The following CPS1 variants were observed in gnomAD, a reference collection of about 807,000 sequenced individuals.
The protein encoded by CPS1 is carbamoyl-phosphate synthase [ammonia], mitochondrial.
A neutral mutation model predicts 174.6 loss-of-function variants in CPS1; 109 were observed. That is an observed-to-expected ratio of 0.62 (90% CI 0.53 to 0.73). The LOEUF (loss-of-function observed/expected upper bound fraction) is 0.73. Among genes scored for constraint, CPS1 ranks in the 30% least tolerant of loss-of-function variants. The probability of loss-of-function intolerance (pLI) is 0.00; values close to 1 mark genes in which losing one functional copy is unlikely to be tolerated. For synonymous variants in CPS1, 637 were observed against 632.0 expected, an observed-to-expected ratio of 1.01 and a Z score of -0.12; for missense variants, 1,689 against 1,821.9, an observed-to-expected ratio of 0.93 and a Z score of 1.33.
At chr2:210,607,246 C>A (rs1698945407) in intron 18 of CPS1, among the ~76,000 whole-genome samples, 1 of 151,908 alleles carries the variant, frequency 6.6e-6, no homozygotes, top group Non-Finnish European at 1.5e-5. Context: ...GTTAAAAGTG[C>A]AGATTAATCC....
chr2:210,608,904 A>G (rs942612667), intron 19 of CPS1, among the ~76,000 whole-genome samples: 1 of 151,924 alleles, frequency 6.6e-6, no homozygotes, highest in African/African-American at 2.4e-5. Context: ...AACCAAATCA[A>G]GAAAGTAATA....
At position 210,582,636 on chromosome 2, in the gene CPS1, T is replaced by C. The variant is rs940593992; in HGVS notation, c.548T>C (p.Ile183Thr). Reference protein sequence around the residue: ...IRDKGTMLGKIEFEGQPVDFV... With the variant: ...IRDKGTMLGKTEFEGQPVDFV... The stretch of plus-strand genomic sequence containing the variant: ...TGATAGGGTACCATGCTTGGGAAGA[T>C]TGAATTTGAAGGTCAGCCTGTGGAT... The change falls in exon 6 of 38, where the codon ATT becomes ACT. Residue 183 changes from isoleucine (I) to threonine (T), a missense_variant. Transcript: ENST00000233072. 1 of 1,613,220 alleles carries C rather than the reference T, an allele frequency of 6.2e-7. No individual in the cohort carries two copies. The highest frequency in any genetic ancestry group is 8.5e-7 in the Non-Finnish European group (1 of 1,179,344).
At chr2:210,577,045 AC>A (rs1278583460) in intron 3 of CPS1, 1 of 287,414 alleles carries the variant, frequency 3.5e-6, no homozygotes, top group Admixed American at 5.0e-5. Flanking sequence ...CTTAGTTTTC[AC>A]TATTTCTCAC....
At chr2:210,518,382 G>A (rs1335174455) in intron 1 of CPS1, among the ~76,000 whole-genome samples, 1 of 151,956 alleles carries the variant, frequency 6.6e-6, no homozygotes. Context: ...AGGTAGATGC[G>A]TGGTTAGAAT....
chr2:210,650,705 A>T (rs1700533265), intron 28 of CPS1, among the ~76,000 whole-genome samples: 1 of 152,110 alleles, frequency 6.6e-6, no homozygotes, highest in Non-Finnish European at 1.5e-5. Flanking sequence ...ATTTTATCAA[A>T]ACAGATTTTA....
At chr2:210,633,269 T>A (rs1411390649) in intron 21 of CPS1, among the ~76,000 whole-genome samples, 5 of 152,208 alleles carry the variant, frequency 3.3e-5, no homozygotes, top group African/African-American at 1.2e-4. Context: ...GATGGCTTTT[T>A]TTTTTCGTCA....
intron 21 of CPS1, among the ~76,000 whole-genome samples, chr2:210,631,859 A>G (rs540638430): frequency 6.6e-6 from 1 of 152,362 alleles, no homozygotes; most frequent in East Asian, 1.9e-4. Flanking sequence ...ATTAACATAA[A>G]ATACTAGTAC....
At chr2:210,550,243 A>G (rs1696692068) in intron 1 of CPS1, among the ~76,000 whole-genome samples, 1 of 151,958 alleles carries the variant, frequency 6.6e-6, no homozygotes, top group African/African-American at 2.4e-5. Flanking sequence ...ACGAAATGCA[A>G]ATATTTCTGA....
At chr2:210,596,973 G>T (rs1008250035) in intron 13 of CPS1, among the ~76,000 whole-genome samples, 8 of 151,742 alleles carry the variant, frequency 5.3e-5, no homozygotes, top group African/African-American at 1.7e-4. Context: ...ACAAGAATTA[G>T]AAAAATCAGA....
At position 210,639,227 on chromosome 2, in the gene CPS1, C is replaced by G. The variant is rs1700132392; in HGVS notation, c.2895+12C>G. ...CCTACAATGGTCAGGTAGGAATGGG[C>G]AAATTGGCCTATCCAGAAAGCTCTA... On this transcript the variant is annotated intron_variant, in intron 23 of 37. Coordinates refer to ENST00000233072, the MANE Select transcript of CPS1 (RefSeq NM_001875.5). 1 of 1,594,258 alleles carries G rather than the reference C, an allele frequency of 6.3e-7. No individual in the cohort carries two copies. The highest frequency in any genetic ancestry group is 1.7e-5 in the Admixed American group (1 of 59,870).
chr2:210,677,744 C>T (rs1212476887), intron 37 of CPS1, 143 bp from the exon 38 acceptor site: 6 of 772,330 alleles, frequency 7.8e-6, no homozygotes, highest in Non-Finnish European at 1.4e-5. Context: ...GGGAGAAAGT[C>T]TCCATTACAT....
chr2:210,594,455 G>T, intron 11 of CPS1, 53 bp from the exon 12 acceptor site: 2 of 1,228,606 alleles, frequency 1.6e-6, no homozygotes, highest in South Asian at 1.2e-5. Flanking sequence ...TGTTTTATCT[G>T]GTGAACTTAG....
intron 6 of CPS1, among the ~76,000 whole-genome samples, chr2:210,586,575 A>G (rs150001779): frequency 3.6e-3 from 543 of 152,166 alleles, no homozygotes; most frequent in African/African-American, 0.013. Context: ...GCTGCATAAG[A>G]TATTCCTCTC....
chr2:210,595,405 G>C, intron 12 of CPS1, 82 bp from the exon 13 acceptor site: 1 of 939,068 alleles, frequency 1.1e-6, no homozygotes, highest in Non-Finnish European at 1.8e-6. Flanking sequence ...CAGACAATGT[G>C]GTTTGTCTTC....
At chr2:210,592,003 A>T (rs1227086414) in intron 10 of CPS1, 34 bp downstream of exon 10, 1 of 1,602,100 alleles carries the variant, frequency 6.2e-7, no homozygotes, top group Non-Finnish European at 8.5e-7. Context: ...TCAGTTGGTG[A>T]TGAGAAACGC....
chr2:210,678,103 T>A lies in CPS1; in HGVS notation c.*118T>A. 4.8e-6 allele frequency: 4 copies of A among 836,822 alleles called. No individual in the cohort carries two copies. The Middle Eastern group carries it at 6.6e-4, about 138-fold the overall frequency. 51.8% of individuals were successfully genotyped at this position (836,822 alleles called of 1,614,324 possible). On this transcript the variant is annotated 3_prime_UTR_variant, in exon 38 of 38. Transcript: ENST00000233072. ...ATAACTAAACTTCATTTCAGTTTAC[T>A]TTGTTATGCCTTAATATTCTGTGTC...
At position 210,502,187 on chromosome 2, in the gene CPS1, T is replaced by A. The variant is rs1183886722; in HGVS notation, c.3+24421T>A. Among the ~76,000 whole-genome samples the A allele has an allele frequency of 2.0e-5, 3 of 151,950 alleles. No homozygotes were observed. In the East Asian group the frequency reaches 5.8e-4, roughly 29 times the overall value. ...TGGTCCCACCCTTGACACGTGGAGA[T>A]TATCACAACTCAAGGTGAGATTTGA... On this transcript the variant is annotated intron_variant, in intron 1 of 38. Coordinates refer to the CPS1 transcript ENST00000430249.
intron 21 of CPS1, among the ~76,000 whole-genome samples, chr2:210,625,091 T>C (rs13025458): frequency 0.14 from 21,010 of 152,006 alleles, 1,492 homozygotes; most frequent in East Asian, 0.26. Flanking sequence ...TATTTGTTCT[T>C]CTATTCAGTC....
At chr2:210,665,692 A>G (rs556566645) in intron 33 of CPS1, among the ~76,000 whole-genome samples, 9 of 151,466 alleles carry the variant, frequency 5.9e-5, no homozygotes, top group Non-Finnish European at 1.2e-4. Context: ...TCCATGGTAT[A>G]TATGTGCCAC....
Sources: gnomAD v4.1 joint callset for allele counts (sites outside exome capture counted in the v4.1 genomes callset) on GRCh38, gnomAD v4.1.1 for gene constraint, MANE v1.5 for transcripts, NCBI Gene and HGNC (gene_info 2026-07-23, HGNC 2026-07-21) for gene names.